Variants in DYSF observed in about 807,000 individuals in gnomAD.
The protein encoded by DYSF is dystrophy-associated fer-1-like 1.
Under a neutral mutation model 274.9 loss-of-function variants are expected in DYSF, and 212 were observed. That is an observed-to-expected ratio of 0.77 (90% CI 0.69 to 0.86). The LOEUF is 0.86. Ranked by LOEUF, DYSF falls within the 40% of genes least tolerant of loss-of-function variation. The pLI is 0.00. For missense variants in DYSF, 2,666 were observed against 2,783.2 expected (o/e 0.96, Z 0.95); for synonymous variants, 1,091 against 1,078.7 (o/e 1.01, Z -0.22).
At position 71,679,662 on chromosome 2, in the gene DYSF, G is replaced by A. The variant is rs1349765053; in HGVS notation, c.6063+427G>A. On this transcript the variant is annotated intron_variant, in intron 53 of 55. Coordinates refer to ENST00000410020, the MANE Select transcript of DYSF (RefSeq NM_001130987.2). ...AGAGGGGTGACTGGAGGGCCCGAGA[G>A]AACCGTCCTTCCCCTGAGTCCACAG... is the stretch of plus-strand genomic sequence containing the variant. Among the ~76,000 whole-genome samples, 3 of 152,154 alleles carry A rather than the reference G, an allele frequency of 2.0e-5. No homozygotes were observed. In the East Asian group the frequency reaches 5.8e-4, roughly 29 times the overall value.
Position 71,679,117 on chromosome 2 carries a change from C to G in DYSF, c.5945C>G (p.Ser1982Cys), listed in dbSNP as rs142160134. The G allele has an allele frequency of 1.9e-6, 3 of 1,613,878 alleles. No individual in the cohort carries two copies. The highest frequency in any genetic ancestry group is 2.5e-6 in the Non-Finnish European group (3 of 1,179,958). Residue 1982 changes from serine to cysteine, a missense_variant, in exon 53 of 56, where the codon TCC (serine) becomes TGC (cysteine). Coordinates refer to ENST00000410020, the MANE Select transcript of DYSF (RefSeq NM_001130987.2). ...CCAGCCAAGACAGCCAAGAAGTGCT[C>G]CTTGGACCAGCTGGATGATGCTTTC... ...PKPAKTAKKC[S>C]LDQLDDAFHP...
chr2:71,536,104 T>G (rs1358088331), intron 16 of DYSF, among the ~76,000 whole-genome samples: 1 of 152,196 alleles, frequency 6.6e-6, no homozygotes, highest in Non-Finnish European at 1.5e-5. Flanking sequence ...TGAGGGGAGC[T>G]GTCTCTTACA....
chr2:71,665,064 G>A (rs575055835), intron 46 of DYSF, 98 bp from the exon 47 acceptor site: 128 of 1,588,480 alleles, frequency 8.1e-5, no homozygotes, highest in Admixed American at 3.0e-4. Context: ...CAAGGAGTGG[G>A]CAATGCTGTA....
chr2:71,570,363 C>G, intron 28 of DYSF, 29 bp downstream of exon 28: 3 of 1,605,050 alleles, frequency 1.9e-6, no homozygotes, highest in Non-Finnish European at 2.6e-6. Context: ...CTGGCGAGCC[C>G]CATCCCCGGC....
At chr2:71,682,360 G>C (rs567599415) in intron 54 of DYSF, among the ~76,000 whole-genome samples, 170 bp from the exon 55 acceptor site, 3 of 152,174 alleles carry the variant, frequency 2.0e-5, no homozygotes, top group Non-Finnish European at 4.4e-5. Flanking sequence ...GCAAGGGCTT[G>C]GGGGAGAGGG....
chr2:71,619,735 C>G (rs1408885112), intron 40 of DYSF, among the ~76,000 whole-genome samples: 1 of 152,188 alleles, frequency 6.6e-6, no homozygotes, highest in Non-Finnish European at 1.5e-5. Flanking sequence ...CTCTGCCTAG[C>G]ATGCGTCTTC....
At chr2:71,556,223 A>T in intron 22 of DYSF, 152 bp downstream of exon 22, 1 of 689,362 alleles carries the variant, frequency 1.5e-6, no homozygotes, top group Non-Finnish European at 2.6e-6. Flanking sequence ...AAGGTGGTGG[A>T]GCCAGTGCAG....
chr2:71,678,936 C>T (rs1429145276), intron 52 of DYSF, 121 bp from the exon 53 acceptor site: 3 of 855,566 alleles, frequency 3.5e-6, no homozygotes, highest in Non-Finnish European at 5.9e-6. Flanking sequence ...TGTGGCTCGG[C>T]CATGGATAGA....
chr2:71,519,811 G>GTTTTTTTTTTTTTTTTTTTT (rs70959241), intron 10 of DYSF, among the ~76,000 whole-genome samples: 1 of 102,286 alleles, frequency 9.8e-6, no homozygotes, highest in Non-Finnish European at 1.9e-5. Context: ...CACCCGGCTA[G>GTTTTTTTTTTTTTTTTTTTT]TTTTTTTTTT....
chr2:71,476,783 G>C (rs1396002833), intron 1 of DYSF, among the ~76,000 whole-genome samples: 1 of 150,890 alleles, frequency 6.6e-6, no homozygotes, highest in Non-Finnish European at 1.5e-5. Flanking sequence ...TCCAGGAAAA[G>C]CACTGGAGTC....
intron 51 of DYSF, among the ~76,000 whole-genome samples, chr2:71,670,678 G>A (rs888011883): frequency 7.2e-5 from 11 of 152,178 alleles, no homozygotes; most frequent in African/African-American, 2.7e-4. Flanking sequence ...CTCATCTGGG[G>A]CGTCAACTTT....
rs1224649626 is a variant in DYSF at position 71,579,055 on chromosome 2, C to T, written c.3402+4684C>T. Among the ~76,000 whole-genome samples, 9 of 152,306 alleles carry T rather than the reference C, an allele frequency of 5.9e-5. No individual in the cohort carries two copies. The South Asian group carries it at 1.4e-3, about 25-fold the overall frequency. The stretch of plus-strand genomic sequence containing the variant: ...GGAGCTGGGAAGCAGAGCACAAAGC[C>T]GCTATTATAGCGCGTTCCATCCAGC... On this transcript the variant is annotated intron_variant, in intron 30 of 55. Transcript: ENST00000410020.
intron 29 of DYSF, among the ~76,000 whole-genome samples, chr2:71,573,200 C>A (rs770799845): frequency 6.6e-6 from 1 of 152,214 alleles, no homozygotes; most frequent in Non-Finnish European, 1.5e-5. Flanking sequence ...TTGCTGGCTC[C>A]AGGGAGGGGC....
At chr2:71,558,830 TC>T (rs1474854593) in intron 22 of DYSF, among the ~76,000 whole-genome samples, 1 of 152,056 alleles carries the variant, frequency 6.6e-6, no homozygotes, top group African/African-American at 2.4e-5. Context: ...GGGGGGGAAT[TC>T]CAGGCAGCAG....
chr2:71,567,231 AAGC>A (rs1490694311), intron 24 of DYSF, among the ~76,000 whole-genome samples: 1 of 152,198 alleles, frequency 6.6e-6, no homozygotes, highest in South Asian at 2.1e-4. Context: ...TCAGGAAAAA[AAGC>A]AGTTGAAGAC....
At chr2:71,592,494 C>A (rs1453644448) in intron 32 of DYSF, among the ~76,000 whole-genome samples, 1 of 152,242 alleles carries the variant, frequency 6.6e-6, no homozygotes, top group Admixed American at 6.5e-5. Flanking sequence ...ATTTTCACTC[C>A]CAAACCCTAA....
chr2:71,595,399 A>G (rs1415497446), intron 32 of DYSF, among the ~76,000 whole-genome samples: 2 of 152,212 alleles, frequency 1.3e-5, no homozygotes, highest in African/African-American at 2.4e-5. Context: ...GGTCTAGTAC[A>G]TACGATCATG....
At chr2:71,526,779 C>G (rs553122171) in intron 13 of DYSF, among the ~76,000 whole-genome samples, 153 of 152,330 alleles carry the variant, frequency 1.0e-3, no homozygotes, top group African/African-American at 3.6e-3. Context: ...GACTCCTGGG[C>G]CCCACTGTCT....
At chr2:71,526,101 G>A in intron 12 of DYSF, 119 bp from the exon 13 acceptor site, 9 of 1,574,126 alleles carry the variant, frequency 5.7e-6, no homozygotes, top group South Asian at 1.1e-5. Context: ...GTGTCGGAGC[G>A]CAGTCTGCCT....
Sources: allele counts gnomAD v4.1 joint callset (sites outside exome capture counted in the v4.1 genomes callset), GRCh38; gene constraint gnomAD v4.1.1; transcripts MANE v1.5; gene names NCBI Gene and HGNC (gene_info 2026-07-23, HGNC 2026-07-21).